The following MARCHF7 variants were observed in gnomAD, a reference collection of about 807,000 sequenced individuals.
MARCHF7 encodes membrane associated ring-CH-type finger 7.
Under a neutral mutation model 76.5 loss-of-function variants are expected in MARCHF7, and 20 were observed. That is an observed-to-expected ratio of 0.26 (90% CI 0.18 to 0.38). MARCHF7 has a LOEUF of 0.38. Among genes scored for constraint, MARCHF7 ranks in the 10% least tolerant of loss-of-function variants. The pLI is 1.00. For missense variants in MARCHF7, 797 were observed against 812.9 expected (o/e 0.98, Z 0.24); for synonymous variants, 295 against 293.0 (o/e 1.01, Z -0.07).
At position 159,747,059 on chromosome 2, in the gene MARCHF7, A is replaced by G. The variant is rs376276731; in HGVS notation, c.515-746A>G. Among the ~76,000 whole-genome samples, 26 of 152,300 alleles carry G rather than the reference A, an allele frequency of 1.7e-4. No individual in the cohort carries two copies. The East Asian group carries it at 4.1e-3, about 24-fold the overall frequency. ...AGCAGAGTAGTAATTTAGCTCTTAC[A>G]CAGGTTAATGGGTAGTTTCTTTGCA... On this transcript the variant is annotated intron_variant, in intron 6 of 11. Transcript: ENST00000409175.
At chr2:159,756,088 T>G (rs539034778) in intron 8 of MARCHF7, among the ~76,000 whole-genome samples, 174 of 152,244 alleles carry the variant, frequency 1.1e-3, no homozygotes, top group Non-Finnish European at 2.0e-3. Flanking sequence ...AAGGACTAAA[T>G]GAGAGATTAC....
chr2:159,733,587 CACA>C, intron 4 of MARCHF7: 1 of 983,892 alleles, frequency 1.0e-6, no homozygotes, highest in Non-Finnish European at 1.2e-6. Context: ...CTTTTTAACT[CACA>C]ACTCTTGGAG....
At chr2:159,747,704 A>T in intron 6 of MARCHF7, 101 bp from the exon 7 acceptor site, 1 of 1,109,062 alleles carries the variant, frequency 9.0e-7, no homozygotes, top group Non-Finnish European at 1.3e-6. Context: ...TAACAGTATT[A>T]AGTTTGAATC....
In MARCHF7 at chr2:159,767,783, A is replaced by T. The variant is rs1159693985; in HGVS notation, c.*441A>T. 6.6e-6 allele frequency: 1 copy of T among 152,608 alleles called. No homozygotes were observed. The highest frequency in any genetic ancestry group is 1.5e-5 in the Non-Finnish European group (1 of 68,058). 9.5% of individuals were successfully genotyped at this position (152,608 alleles called of 1,614,324 possible). On this transcript the variant is annotated 3_prime_UTR_variant, in exon 12 of 12. Transcript: ENST00000409175. ...TGGCACCTAATTATTTTTTCTTTTAAAATGCCTTAAGTTGCAGTCTCATTT... is the reference window on the plus strand; with the variant it reads ...TGGCACCTAATTATTTTTTCTTTTATAATGCCTTAAGTTGCAGTCTCATTT...
intron 11 of MARCHF7, among the ~76,000 whole-genome samples, chr2:159,766,309 C>T (rs985679398): frequency 6.6e-5 from 10 of 152,134 alleles, no homozygotes; most frequent in Non-Finnish European, 1.5e-4. Flanking sequence ...TATTATCAGT[C>T]ATGACTTAGT....
chr2:159,734,028 T>A, intron 4 of MARCHF7: 1 of 1,353,182 alleles, frequency 7.4e-7, no homozygotes, highest in East Asian at 2.7e-5. Flanking sequence ...ATCTTTAAAT[T>A]TTTATCACAA....
chr2:159,748,964 CT>C lies in MARCHF7; in HGVS notation c.1613+69del, dbSNP rs1408372155. 22 of 764,456 alleles carry C rather than the reference CT, an allele frequency of 2.9e-5. 2 individuals are homozygous for C. The Middle Eastern group carries it at 1.2e-3, about 42-fold the overall frequency. The allele number at this position is 764,456 out of a possible 1,614,324, so 47.4% of individuals were successfully genotyped here. The stretch of plus-strand genomic sequence containing the variant: ...AAAATAGAGAAAGAACTCTTCATTT[CT>C]TTTTTTTCTTTTCTTTTTTTTTTTT... On this transcript the variant is annotated intron_variant, in intron 7 of 11. Transcript: ENST00000409175.
intron 9 of MARCHF7, 125 bp downstream of exon 9, chr2:159,759,460 C>A: frequency 2.3e-6 from 1 of 443,732 alleles, no homozygotes. Context: ...TGATAATGTT[C>A]TTAACATAAT....
intron 4 of MARCHF7, among the ~76,000 whole-genome samples, chr2:159,738,896 G>GT (rs1703787410): frequency 6.6e-6 from 1 of 152,222 alleles, no homozygotes. Flanking sequence ...CACCCAGGCT[G>GT]TTTGTGCCAA....
intron 3 of MARCHF7, among the ~76,000 whole-genome samples, chr2:159,725,445 A>G (rs1033458304): frequency 6.6e-6 from 1 of 152,042 alleles, no homozygotes; most frequent in Non-Finnish European, 1.5e-5. Context: ...GATGATGAGC[A>G]TTTTTTCATG....
chr2:159,761,335 T>G (rs943337279), intron 9 of MARCHF7, among the ~76,000 whole-genome samples: 1 of 149,282 alleles, frequency 6.7e-6, no homozygotes, highest in Non-Finnish European at 1.5e-5. Context: ...CGTTTAAAAT[T>G]TTTTAAAAAT....
chr2:159,729,487 A>G (rs1043823076), intron 4 of MARCHF7, among the ~76,000 whole-genome samples: 2 of 152,132 alleles, frequency 1.3e-5, no homozygotes, highest in African/African-American at 2.4e-5. Context: ...CCTGGCCAAC[A>G]TGACGAAACC....
intron 4 of MARCHF7, among the ~76,000 whole-genome samples, chr2:159,736,297 T>C (rs1219959397): frequency 1.3e-5 from 2 of 152,250 alleles, no homozygotes; most frequent in Non-Finnish European, 2.9e-5. Context: ...TTTCTGATTC[T>C]AGCCATCCCA....
intron 7 of MARCHF7, 116 bp from the exon 8 acceptor site, chr2:159,752,286 C>T (rs1705749847): frequency 2.2e-6 from 2 of 891,702 alleles, no homozygotes; most frequent in South Asian, 3.9e-5. Context: ...TGCTTTTTTC[C>T]ACCCAGAGAC....
Position 159,734,227 on chromosome 2 carries a change from T to C in MARCHF7, c.153+5052T>C, listed in dbSNP as rs983556860. The stretch of plus-strand genomic sequence containing the variant: ...ACTAATCTGTTTAGTGTTTGTTCTG[T>C]TTTGCCTTGTTGAGAGGTTGATTAC... On this transcript the variant is annotated intron_variant, in intron 4 of 11. Transcript: ENST00000409175. 4 of 742,708 alleles carry C rather than the reference T, an allele frequency of 5.4e-6. No individual in the cohort carries two copies. The African/African-American group carries it at 5.4e-5, about 10-fold the overall frequency. 46.0% of individuals were successfully genotyped at this position (742,708 alleles called of 1,614,324 possible).
rs1705144300 is a variant in MARCHF7 at position 159,748,256 on chromosome 2, A to G, written c.966A>G (p.Thr322=). The G allele has an allele frequency of 1.9e-6, 3 of 1,613,722 alleles. No individual in the cohort carries two copies. Among genetic ancestry groups the G allele is most frequent in the African/African-American group, 2.7e-5 (2 of 74,922 alleles). ...ENSYVSPRIL[T]ASQSRSNVPS... is the part of the protein sequence containing the mutation. ...CTTACGTTTCTCCAAGAATCTTGAC[A>G]GCTTCACAGTCCCGTAGTAATGTAC... is the stretch of plus-strand genomic sequence containing the variant. Residue 322 remains threonine, a synonymous_variant, in exon 7 of 12, where the codon ACA becomes ACG. Coordinates refer to ENST00000409175, the MANE Select transcript of MARCHF7 (RefSeq NM_001282805.2).
At chr2:159,767,165 C>A in intron 11 of MARCHF7, 119 bp from the exon 12 acceptor site, 1 of 718,340 alleles carries the variant, frequency 1.4e-6, no homozygotes, top group Non-Finnish European at 2.4e-6. Flanking sequence ...TTTGATCAAA[C>A]AATATACTAA....
At chr2:159,728,792 T>C (rs1280391427) in intron 3 of MARCHF7, among the ~76,000 whole-genome samples, 1 of 152,220 alleles carries the variant, frequency 6.6e-6, no homozygotes, top group Non-Finnish European at 1.5e-5. Context: ...CATTCCACTT[T>C]TACCATGTTT....
intron 6 of MARCHF7, among the ~76,000 whole-genome samples, 181 bp downstream of exon 6, chr2:159,746,118 C>T (rs1295949494): frequency 1.3e-5 from 2 of 152,084 alleles, no homozygotes; most frequent in Non-Finnish European, 2.9e-5. Context: ...AAAATACAGT[C>T]GATGAATATG....
Sources: gnomAD v4.1 joint callset for allele counts (sites outside exome capture counted in the v4.1 genomes callset) on GRCh38, gnomAD v4.1.1 for gene constraint, MANE v1.5 for transcripts, NCBI Gene and HGNC (gene_info 2026-07-23, HGNC 2026-07-21) for gene names.